The following AXDND1 variants were observed in gnomAD, a reference collection of about 807,000 sequenced individuals.
AXDND1 encodes the protein axonemal dynein light chain domain-containing protein 1.
Under a neutral mutation model 137.5 loss-of-function variants are expected in AXDND1, and 110 were observed. The ratio of observed to expected loss-of-function variants is 0.80; its 90% CI spans 0.69 to 0.94. The LOEUF (loss-of-function observed/expected upper bound fraction) is 0.94, where lower values mean the gene tolerates loss of function less well. Among genes scored for constraint, AXDND1 ranks in the 40% least tolerant of loss-of-function variants. The pLI, the probability that AXDND1 is intolerant of heterozygous loss-of-function variation, is 0.00. For synonymous variants in AXDND1, 414 were observed against 399.7 expected (o/e 1.04, Z -0.43); for missense variants, 1,191 against 1,169.8 (o/e 1.02, Z -0.26).
intron 12 of AXDND1, among the ~76,000 whole-genome samples, chr1:179,426,074 A>G (rs1180338035): frequency 1.3e-5 from 2 of 152,076 alleles, no homozygotes; most frequent in African/African-American, 4.8e-5. Context: ...CGACCTTGTC[A>G]TCTGCCTGCC....
intron 25 of AXDND1, among the ~76,000 whole-genome samples, chr1:179,549,117 A>T (rs1480350932): frequency 2.0e-5 from 3 of 152,088 alleles, no homozygotes; most frequent in African/African-American, 2.4e-5. Context: ...ATATTAAATT[A>T]TCAGGAAAAA....
chr1:179,495,932 G>A (rs1218034177), intron 20 of AXDND1, among the ~76,000 whole-genome samples: 1 of 133,466 alleles, frequency 7.5e-6, no homozygotes, highest in African/African-American at 2.8e-5. Flanking sequence ...AATGGATGTT[G>A]GATGTTATCA....
chr1:179,412,526 AGT>A (rs1654053622), intron 12 of AXDND1, among the ~76,000 whole-genome samples: 2 of 152,118 alleles, frequency 1.3e-5, no homozygotes, highest in Admixed American at 1.3e-4. Flanking sequence ...ATCCCTGTCA[AGT>A]GTCCTAAAGC....
intron 17 of AXDND1, among the ~76,000 whole-genome samples, chr1:179,474,659 T>C (rs1664386290): frequency 6.6e-6 from 1 of 152,100 alleles, no homozygotes. Context: ...AAGAAATTTC[T>C]AAGTGGCAAA....
At chr1:179,456,211 C>T (rs1443571761) in intron 16 of AXDND1, 12 of 790,742 alleles carry the variant, frequency 1.5e-5, no homozygotes, top group Non-Finnish European at 2.3e-5. Context: ...TCCTGCTAAG[C>T]TTTGTTTCCT....
rs1478410893 is a variant in AXDND1, at chr1:179,445,067, A to T, written c.1661A>T (p.Asp554Val). Residue 554 changes from aspartate to valine, a missense_variant, in exon 16 of 26, where the codon GAT becomes GTT. Asp to Val is a radical substitution (Grantham distance 152). Coordinates refer to ENST00000367618, the MANE Select transcript of AXDND1 (RefSeq NM_144696.6). ...AAACATTTACAGGAAAACTGGGCAG[A>T]TATTGGGCTTGGGATATTTAATCGG... ...IIKHLQENWA[D>V]IGLGIFNRHK... is the part of the protein sequence containing the mutation. The T allele has an allele frequency of 6.2e-7, 1 of 1,613,600 alleles. No individual in the cohort carries two copies. Among genetic ancestry groups the T allele is most frequent in the East Asian group, 2.2e-5 (1 of 44,846 alleles).
intron 23 of AXDND1, among the ~76,000 whole-genome samples, chr1:179,528,720 T>G (rs1254110603): frequency 1.4e-5 from 2 of 145,328 alleles, no homozygotes; most frequent in Non-Finnish European, 3.0e-5. Context: ...GTTTCTGGAG[T>G]AGCTGGGATT....
At position 179,476,188 on chromosome 1, in the gene AXDND1, C is replaced by T. The variant is rs189708413; in HGVS notation, c.1998-6940C>T. 2.6e-5 allele frequency among the ~76,000 whole-genome samples: 4 copies of T among 152,176 alleles called. No homozygotes were observed. In the East Asian group the frequency reaches 7.7e-4, roughly 29 times the overall value. On this transcript the variant is annotated intron_variant, in intron 17 of 25. Transcript: ENST00000367618. ...ATAGCATTGTAGAATTGGTGTAATA[C>T]AATATTACAAACACAAAAATACATT...
At chr1:179,543,290 G>C (rs1672337028) in intron 25 of AXDND1, 1 of 152,214 alleles carries the variant, frequency 6.6e-6, no homozygotes, top group Admixed American at 6.5e-5. Context: ...AAGGAATCAA[G>C]AGGGAAGTTT....
chr1:179,524,677 C>T (rs1463852263), intron 21 of AXDND1, among the ~76,000 whole-genome samples: 1 of 152,148 alleles, frequency 6.6e-6, no homozygotes, highest in Non-Finnish European at 1.5e-5. Context: ...GGACTTGCCT[C>T]TTAAATATCT....
At chr1:179,479,779 AAAAG>A (rs67204515) in intron 17 of AXDND1, among the ~76,000 whole-genome samples, 20,865 of 151,886 alleles carry the variant, frequency 0.14, 1,553 homozygotes, top group East Asian at 0.35. Context: ...TCCATCTCAA[AAAAG>A]AAAGAAAGAA....
At chr1:179,446,917 C>CT (rs11411410) in intron 16 of AXDND1, among the ~76,000 whole-genome samples, 115,097 of 151,584 alleles carry the variant, frequency 0.76, 44,065 homozygotes, top group South Asian at 0.83. Context: ...CTATATTTTA[C>CT]TTTTAAAAAT....
At chr1:179,443,211 A>G (rs114806632) in intron 15 of AXDND1, among the ~76,000 whole-genome samples, 1 of 152,224 alleles carries the variant, frequency 6.6e-6, no homozygotes, top group Non-Finnish European at 1.5e-5. Context: ...CTGTTTGATC[A>G]TATAGCCTCA....
intron 16 of AXDND1, among the ~76,000 whole-genome samples, chr1:179,468,001 C>A (rs571875579): frequency 6.6e-6 from 1 of 152,256 alleles, no homozygotes; most frequent in East Asian, 1.9e-4. Context: ...AAACCCTGAT[C>A]AATAACCTAA....
At chr1:179,500,314 A>G (rs1667866171) in intron 20 of AXDND1, among the ~76,000 whole-genome samples, 2 of 150,418 alleles carry the variant, frequency 1.3e-5, no homozygotes, top group African/African-American at 2.5e-5. Flanking sequence ...ATATATATAT[A>G]GCCATTAATT....
At chr1:179,391,638 G>A (rs190566423) in intron 9 of AXDND1, among the ~76,000 whole-genome samples, 10 of 152,074 alleles carry the variant, frequency 6.6e-5, no homozygotes, top group Admixed American at 5.9e-4. Flanking sequence ...CTGGGTTCAG[G>A]TGATTCTCCT....
intron 15 of AXDND1, among the ~76,000 whole-genome samples, chr1:179,433,797 T>G (rs965369474): frequency 6.6e-6 from 1 of 152,204 alleles, no homozygotes; most frequent in African/African-American, 2.4e-5. Flanking sequence ...GTGGATGATT[T>G]TAGAATAAGT....
intron 16 of AXDND1, chr1:179,457,307 C>G: frequency 1.6e-6 from 1 of 640,654 alleles, no homozygotes; most frequent in Non-Finnish European, 2.8e-6. Context: ...ACTGTTTGGG[C>G]TCTTTAGGAG....
At chr1:179,534,995 G>T in intron 25 of AXDND1, 33 bp downstream of exon 25, 2 of 1,606,466 alleles carry the variant, frequency 1.2e-6, no homozygotes, top group Non-Finnish European at 1.7e-6. Flanking sequence ...CTTTATTCAG[G>T]TTGTATTTAT....
Sources: gnomAD v4.1 joint callset for allele counts (sites outside exome capture counted in the v4.1 genomes callset) on GRCh38, gnomAD v4.1.1 for gene constraint, MANE v1.5 for transcripts, NCBI Gene and HGNC (gene_info 2026-07-23, HGNC 2026-07-21) for gene names.